The following RBFOX1 variants were observed in gnomAD, a reference collection of about 807,000 sequenced individuals.
RBFOX1 encodes the protein RNA binding fox-1 homolog 1, also known as RNA binding protein fox-1 homolog 1.
A neutral mutation model predicts 57.7 loss-of-function variants in RBFOX1; 8 were observed. The ratio of observed to expected loss-of-function variants is 0.14; its 90% CI spans 0.08 to 0.25. The LOEUF (loss-of-function observed/expected upper bound fraction) is 0.25. Ranked by LOEUF, RBFOX1 falls within the 10% of genes least tolerant of loss-of-function variation. The pLI is 1.00. For missense variants in RBFOX1, 611 were observed against 548.5 expected (o/e 1.11, Z -1.14); for synonymous variants, 326 against 222.4 (o/e 1.47, Z -4.15).
chr16:5,548,649 T>G (rs2045332550), intron 2 of RBFOX1, among the ~76,000 whole-genome samples: 1 of 151,812 alleles, frequency 6.6e-6, no homozygotes, highest in Non-Finnish European at 1.5e-5. Context: ...TGTACCCAAA[T>G]GATTAAAAAT....
chr16:6,752,265 G>A (rs1315063949), intron 3 of RBFOX1, among the ~76,000 whole-genome samples: 2 of 152,082 alleles, frequency 1.3e-5, no homozygotes, highest in Non-Finnish European at 1.5e-5. Flanking sequence ...TTATAACATC[G>A]AAGTGATAGA....
rs577969653 is a variant in RBFOX1 at position 7,409,440 on chromosome 16, C to T, written c.28-108707C>T. Among the ~76,000 whole-genome samples the T allele has an allele frequency of 6.6e-5, 10 of 152,180 alleles. No homozygotes were observed. In the South Asian group the frequency reaches 1.9e-3, roughly 28 times the overall value. Reference sequence around the variant, plus strand: ...AGTGGTTGGAGAATGGCATTTCTTTCCCCGTCCCCATTGTCACAGAATGCA... The same window carrying T: ...AGTGGTTGGAGAATGGCATTTCTTTTCCCGTCCCCATTGTCACAGAATGCA... On this transcript the variant is annotated intron_variant, in intron 4 of 15. Coordinates refer to ENST00000550418, the MANE Select transcript of RBFOX1 (RefSeq NM_018723.4).
At chr16:5,618,622 C>G (rs1310888732) in intron 3 of RBFOX1, among the ~76,000 whole-genome samples, 1 of 152,192 alleles carries the variant, frequency 6.6e-6, no homozygotes, top group Non-Finnish European at 1.5e-5. Context: ...CAGGCGTGAG[C>G]CATCGCGCCC....
At chr16:6,890,477 C>T (rs578240383) in intron 3 of RBFOX1, among the ~76,000 whole-genome samples, 2 of 152,094 alleles carry the variant, frequency 1.3e-5, no homozygotes, top group Admixed American at 1.3e-4. Context: ...TGAGATAGCA[C>T]CATGGCACTC....
At chr16:7,573,983 A>T (rs886168497) in intron 5 of RBFOX1, among the ~76,000 whole-genome samples, 2 of 152,184 alleles carry the variant, frequency 1.3e-5, no homozygotes, top group Non-Finnish European at 2.9e-5. Context: ...TTGTCCTATT[A>T]GCAAGTTTCC....
intron 3 of RBFOX1, among the ~76,000 whole-genome samples, chr16:6,779,944 TA>T (rs1340404299): frequency 2.4e-5 from 2 of 83,190 alleles, no homozygotes; most frequent in African/African-American, 1.1e-4. Context: ...TATTTATATA[TA>T]TTTATATATT....
intron 1 of RBFOX1, among the ~76,000 whole-genome samples, chr16:5,407,551 G>A (rs906324948): frequency 6.6e-6 from 1 of 152,048 alleles, no homozygotes; most frequent in African/African-American, 2.4e-5. Flanking sequence ...GTCATAACAA[G>A]GCCTTTGGGC....
At chr16:6,524,525 G>A (rs1213675809) in intron 2 of RBFOX1, among the ~76,000 whole-genome samples, 1 of 152,140 alleles carries the variant, frequency 6.6e-6, no homozygotes, top group Non-Finnish European at 1.5e-5. Flanking sequence ...TAAACATTTA[G>A]GATGAGGGTA....
intron 4 of RBFOX1, among the ~76,000 whole-genome samples, chr16:7,292,933 G>T (rs1201916619): frequency 6.6e-6 from 1 of 152,086 alleles, no homozygotes; most frequent in African/African-American, 2.4e-5. Context: ...TAAGGAGCAG[G>T]AAACAGAGGA....
At chr16:6,882,674 TG>T (rs1406783672) in intron 3 of RBFOX1, among the ~76,000 whole-genome samples, 17 of 152,258 alleles carry the variant, frequency 1.1e-4, no homozygotes, top group South Asian at 2.1e-4. Flanking sequence ...AGGTACCCAT[TG>T]GCTGTATGGA....
intron 11 of RBFOX1, among the ~76,000 whole-genome samples, chr16:7,634,087 T>C (rs1475942906): frequency 2.6e-5 from 4 of 152,216 alleles, no homozygotes; most frequent in African/African-American, 4.8e-5. Flanking sequence ...GAGAGTCACA[T>C]ATTTTATCTT....
At chr16:5,348,632 G>A (rs2065195260) in intron 1 of RBFOX1, among the ~76,000 whole-genome samples, 1 of 152,150 alleles carries the variant, frequency 6.6e-6, no homozygotes, top group Non-Finnish European at 1.5e-5. Flanking sequence ...CAACAGGAAA[G>A]ACAGACATGG....
At chr16:6,660,295 C>T (rs2098692820) in intron 3 of RBFOX1, among the ~76,000 whole-genome samples, 2 of 151,740 alleles carry the variant, frequency 1.3e-5, no homozygotes, top group South Asian at 4.2e-4. Context: ...GCATGCTGGG[C>T]TTAATACCTT....
At chr16:5,243,474 A>G (rs1202265495) in intron 1 of RBFOX1, among the ~76,000 whole-genome samples, 2 of 151,934 alleles carry the variant, frequency 1.3e-5, no homozygotes, top group East Asian at 3.9e-4. Context: ...CACCGTCACA[A>G]CACTTGGGGT....
chr16:6,026,680 C>T (rs542418022), intron 1 of RBFOX1, among the ~76,000 whole-genome samples: 10 of 152,242 alleles, frequency 6.6e-5, no homozygotes, highest in Admixed American at 1.3e-4. Flanking sequence ...ATTACTTTAT[C>T]GTTGTGTAAG....
intron 4 of RBFOX1, among the ~76,000 whole-genome samples, chr16:7,323,790 G>T (rs927849635): frequency 6.6e-6 from 1 of 152,220 alleles, no homozygotes; most frequent in African/African-American, 2.4e-5. Flanking sequence ...TGATGAAGAA[G>T]ATGAAGATGT....
In RBFOX1 at chr16:6,178,223, A is replaced by T. The variant is rs1048903727; in HGVS notation, c.-126-138772A>T. On this transcript the variant is annotated intron_variant, in intron 1 of 15. Coordinates refer to ENST00000550418, the MANE Select transcript of RBFOX1 (RefSeq NM_018723.4). ...TTTTTTGGAGACAGAGTGTTGCTCT[A>T]TTCCCCAGGCTGGAGTACAGTGGTG... Among the ~76,000 whole-genome samples, 6 of 109,904 alleles carry T rather than the reference A, an allele frequency of 5.5e-5. No individual in the cohort carries two copies. In the Admixed American group the frequency reaches 9.0e-4, roughly 17 times the overall value. The allele number at this position is 109,904 out of a possible 152,430, so 72.1% of individuals were successfully genotyped here. A position where few individuals can be genotyped will look rare whatever the true frequency, so the allele number is the denominator to read the frequency against.
intron 2 of RBFOX1, among the ~76,000 whole-genome samples, chr16:5,469,125 T>C (rs535535830): frequency 6.6e-5 from 10 of 152,186 alleles, no homozygotes; most frequent in Non-Finnish European, 1.3e-4. Flanking sequence ...GTCTGTTGCC[T>C]CCTCTTCTGC....
chr16:6,211,940 C>G lies in RBFOX1; in HGVS notation c.-126-105055C>G, dbSNP rs556112262. Among the ~76,000 whole-genome samples, 4 of 152,084 alleles carry G rather than the reference C, an allele frequency of 2.6e-5. No homozygotes were observed. The East Asian group carries it at 7.7e-4, about 29-fold the overall frequency. ...TCTCAGCTCACTGCAACCTCTGCCT[C>G]CCAGGTTCAAGTAATTCTCATGTCT... On this transcript the variant is annotated intron_variant, in intron 1 of 15. Coordinates refer to ENST00000550418, the MANE Select transcript of RBFOX1 (RefSeq NM_018723.4).
Sources: gnomAD v4.1 joint callset for allele counts (sites outside exome capture counted in the v4.1 genomes callset) on GRCh38, gnomAD v4.1.1 for gene constraint, MANE v1.5 for transcripts, NCBI Gene and HGNC (gene_info 2026-07-23, HGNC 2026-07-21) for gene names.